The following SGCD variants were observed in gnomAD, a reference collection of about 807,000 sequenced individuals.
SGCD encodes the protein delta-sarcoglycan.
Under a neutral mutation model 36.6 loss-of-function variants are expected in SGCD, and 18 were observed. The observed-to-expected ratio is 0.49, with a 90% CI of 0.34 to 0.73. SGCD has a LOEUF of 0.73. Among genes scored for constraint, SGCD ranks in the 30% least tolerant of loss-of-function variants. The pLI is 0.01. For synonymous variants in SGCD, 133 were observed against 130.6 expected (o/e 1.02, Z -0.12); for missense variants, 387 against 346.7 (o/e 1.12, Z -0.92).
the SGCD span, among the ~76,000 whole-genome samples, chr5:155,742,253 C>T: frequency 6.6e-6 from 1 of 152,162 alleles, no homozygotes; most frequent in African/African-American, 2.4e-5. Flanking sequence ...TATAGTTACT[C>T]CTCACCTTTA....
intron 3 of SGCD, among the ~76,000 whole-genome samples, chr5:156,213,711 A>G (rs1391989711): frequency 6.6e-6 from 1 of 152,058 alleles, no homozygotes; most frequent in Admixed American, 6.5e-5. Flanking sequence ...ATTAATGCAA[A>G]CATCTTCAAC....
At chr5:155,760,087 G>A in the SGCD span, among the ~76,000 whole-genome samples, 3 of 144,586 alleles carry the variant, frequency 2.1e-5, no homozygotes, top group South Asian at 4.5e-4. Context: ...ATCACCCTCT[G>A]CATCATATTC....
intron 3 of SGCD, among the ~76,000 whole-genome samples, chr5:156,405,754 T>C (rs373299653): frequency 1.8e-4 from 27 of 152,280 alleles, no homozygotes; most frequent in African/African-American, 5.8e-4. Context: ...TTTTGAGTCC[T>C]GTGCGGTTTA....
chr5:156,086,792 C>G (rs978372753), intron 1 of SGCD, among the ~76,000 whole-genome samples: 1 of 152,220 alleles, frequency 6.6e-6, no homozygotes, highest in East Asian at 1.9e-4. Flanking sequence ...AGAAGCTAAA[C>G]ATAAAATAAA....
chr5:155,809,995 T>C, the SGCD span, among the ~76,000 whole-genome samples: 105 of 152,318 alleles, frequency 6.9e-4, no homozygotes, highest in African/African-American at 2.3e-3. Flanking sequence ...AGATTATCTA[T>C]CTCCTCATCT....
intron 3 of SGCD, among the ~76,000 whole-genome samples, chr5:156,216,341 G>A (rs984405719): frequency 5.3e-5 from 8 of 152,142 alleles, no homozygotes; most frequent in African/African-American, 1.9e-4. Flanking sequence ...AAAATGATAA[G>A]TGTTTGTGGT....
At chr5:156,453,243 A>C (rs986232228) in intron 3 of SGCD, among the ~76,000 whole-genome samples, 4 of 152,304 alleles carry the variant, frequency 2.6e-5, no homozygotes, top group African/African-American at 9.6e-5. Context: ...ATGGAAGAGG[A>C]AACAGGATTG....
intron 1 of SGCD, among the ~76,000 whole-genome samples, chr5:156,113,312 G>C (rs1761833534): frequency 6.6e-6 from 1 of 152,122 alleles, no homozygotes. Flanking sequence ...CAAAACTGGA[G>C]GGAAGATTTT....
intron 3 of SGCD, among the ~76,000 whole-genome samples, chr5:156,140,761 G>A (rs140300031): frequency 3.0e-4 from 45 of 152,284 alleles, no homozygotes; most frequent in African/African-American, 1.0e-3. Flanking sequence ...AAAAAAGCAT[G>A]TTTAGGAGAG....
chr5:155,743,767 G>A, the SGCD span, among the ~76,000 whole-genome samples: 2 of 152,182 alleles, frequency 1.3e-5, no homozygotes, highest in Admixed American at 6.5e-5. Context: ...AAGCCAAAGT[G>A]GGAAGTGCCG....
In SGCD at chr5:156,508,597, T is replaced by G; in HGVS notation, c.193-4T>G. 1 of 1,586,238 alleles carries G rather than the reference T, an allele frequency of 6.3e-7. No individual in the cohort carries two copies. Among genetic ancestry groups the G allele is most frequent in the Non-Finnish European group, 8.7e-7 (1 of 1,155,042 alleles). On this transcript the variant is annotated splice_region_variant and splice_polypyrimidine_tract_variant and intron_variant, in intron 3 of 8. Coordinates refer to ENST00000337851, the MANE Select transcript of SGCD (RefSeq NM_000337.6). ...TTCCTTGTTATCTCTGTGTTCTATT[T>G]CAGGATGGAATGGGAAACCTGAGGA... is the stretch of plus-strand genomic sequence containing the variant.
At chr5:156,558,940 CA>C (rs1759158943) in intron 4 of SGCD, among the ~76,000 whole-genome samples, 1 of 152,112 alleles carries the variant, frequency 6.6e-6, no homozygotes, top group Non-Finnish European at 1.5e-5. Flanking sequence ...ATGTGATTAA[CA>C]GGACATTAGA....
At chr5:156,555,323 T>C (rs1187416659) in intron 4 of SGCD, among the ~76,000 whole-genome samples, 1 of 152,182 alleles carries the variant, frequency 6.6e-6, no homozygotes, top group African/African-American at 2.4e-5. Flanking sequence ...TTTACATCTA[T>C]GCTTCCTTAC....
At chr5:156,268,003 G>A (rs1026745856) in intron 3 of SGCD, among the ~76,000 whole-genome samples, 1 of 151,984 alleles carries the variant, frequency 6.6e-6, no homozygotes, top group African/African-American at 2.4e-5. Flanking sequence ...CCACCCTCAC[G>A]TAGACCCCAG....
intron 6 of SGCD, among the ~76,000 whole-genome samples, chr5:156,639,870 C>A (rs1762965773): frequency 6.6e-6 from 1 of 151,594 alleles, no homozygotes; most frequent in Non-Finnish European, 1.5e-5. Context: ...ATGGCTCATC[C>A]TTCCATACTC....
chr5:156,046,629 C>A (rs56347212), intron 1 of SGCD, among the ~76,000 whole-genome samples: 19 of 151,904 alleles, frequency 1.3e-4, no homozygotes, highest in Non-Finnish European at 2.6e-4. Context: ...ATGCGACAGA[C>A]CCTGCCAATA....
intron 1 of SGCD, among the ~76,000 whole-genome samples, chr5:155,973,091 C>T (rs1039555883): frequency 5.9e-5 from 9 of 151,974 alleles, no homozygotes; most frequent in East Asian, 1.9e-4. Flanking sequence ...CTGGCTTTAC[C>T]GCAAGGCAAA....
chr5:156,024,081 G>C (rs1387456667), intron 1 of SGCD, among the ~76,000 whole-genome samples: 1 of 152,156 alleles, frequency 6.6e-6, no homozygotes, highest in Non-Finnish European at 1.5e-5. Flanking sequence ...CAAGGCTGCA[G>C]ATTCTGGAGT....
chr5:156,502,207 T>C (rs567380836), intron 3 of SGCD, among the ~76,000 whole-genome samples: 2 of 151,392 alleles, frequency 1.3e-5, no homozygotes, highest in East Asian at 3.9e-4. Flanking sequence ...CCACCACCCC[T>C]GGCTAATTTT....
Sources: allele counts gnomAD v4.1 joint callset (sites outside exome capture counted in the v4.1 genomes callset), GRCh38; gene constraint gnomAD v4.1.1; transcripts MANE v1.5; gene names NCBI Gene and HGNC (gene_info 2026-07-23, HGNC 2026-07-21).